ZMAT4: variants seen among roughly 807,000 people sequenced by gnomAD.
The protein encoded by ZMAT4 is zinc finger matrin-type protein 4.
A neutral mutation model predicts 28.7 loss-of-function variants in ZMAT4; 17 were observed. The ratio of observed to expected loss-of-function variants is 0.59; its 90% CI spans 0.41 to 0.89. ZMAT4 has a LOEUF of 0.89. Ranked by LOEUF, ZMAT4 falls within the 40% of genes least tolerant of loss-of-function variation. ZMAT4 has a pLI of 0.00. For synonymous variants in ZMAT4, 117 were observed against 109.2 expected, an observed-to-expected ratio of 1.07 and a Z score of -0.44; for missense variants, 240 against 283.8, an observed-to-expected ratio of 0.85 and a Z score of 1.11.
chr8:40,604,911 G>A (rs1805527007), intron 5 of ZMAT4, among the ~76,000 whole-genome samples: 1 of 152,098 alleles, frequency 6.6e-6, no homozygotes, highest in African/African-American at 2.4e-5. Context: ...CTTGTCATTG[G>A]TCTGTTCAGA....
At chr8:40,833,573 A>G (rs1164952333) in intron 1 of ZMAT4, among the ~76,000 whole-genome samples, 1 of 149,158 alleles carries the variant, frequency 6.7e-6, no homozygotes, top group Non-Finnish European at 1.5e-5. Flanking sequence ...TGAAATCATC[A>G]TGGTCTTCCA....
intron 5 of ZMAT4, among the ~76,000 whole-genome samples, chr8:40,630,494 C>A (rs1459300837): frequency 6.6e-6 from 1 of 152,176 alleles, no homozygotes; most frequent in African/African-American, 2.4e-5. Context: ...CCGTGGGGAA[C>A]TTAGAATTTA....
At chr8:40,611,969 T>C (rs975428964) in intron 5 of ZMAT4, among the ~76,000 whole-genome samples, 14 of 152,190 alleles carry the variant, frequency 9.2e-5, no homozygotes, top group Non-Finnish European at 1.6e-4. Flanking sequence ...ACCCCCACTG[T>C]CATTGTTGAA....
chr8:40,663,761 C>T (rs867167615), intron 5 of ZMAT4, among the ~76,000 whole-genome samples: 2 of 152,094 alleles, frequency 1.3e-5, no homozygotes, highest in South Asian at 4.1e-4. Flanking sequence ...TCTCTGGCAC[C>T]TCTTCACTAA....
At chr8:40,646,268 C>A (rs140829946) in intron 5 of ZMAT4, among the ~76,000 whole-genome samples, 1 of 151,316 alleles carries the variant, frequency 6.6e-6, no homozygotes, top group Non-Finnish European at 1.5e-5. Flanking sequence ...TTCCTCTCTT[C>A]GTGCTTTTTT....
Position 40,536,905 on chromosome 8 carries a change from A to G in ZMAT4, c.675-4667T>C, listed in dbSNP as rs367946751. On this transcript the variant is annotated intron_variant, in intron 6 of 6. Transcript: ENST00000297737. ...GTCAGCGGGATGAGGGGGTTTGGAG[A>G]AAAAAAAAAAGAGAAGAGAAAGAGA... 3.1e-4 allele frequency among the ~76,000 whole-genome samples: 32 copies of G among 104,656 alleles called. 1 individual carries two copies. Among genetic ancestry groups the G allele is most frequent in the African/African-American group, 1.6e-3 (30 of 18,756 alleles). 68.7% of individuals were successfully genotyped at this position (104,656 alleles called of 152,430 possible).
At chr8:40,586,652 C>T (rs937383885) in intron 5 of ZMAT4, among the ~76,000 whole-genome samples, 13 of 152,168 alleles carry the variant, frequency 8.5e-5, no homozygotes, top group African/African-American at 2.9e-4. Context: ...CATGACTACT[C>T]AATATGTCTT....
intron 1 of ZMAT4, among the ~76,000 whole-genome samples, chr8:40,832,322 G>A (rs117825495): frequency 1.3e-5 from 2 of 152,134 alleles, no homozygotes; most frequent in African/African-American, 4.8e-5. Context: ...GAACTGAGCT[G>A]GGATGGGCTA....
At chr8:40,555,384 C>T (rs1803501988) in intron 6 of ZMAT4, among the ~76,000 whole-genome samples, 1 of 152,098 alleles carries the variant, frequency 6.6e-6, no homozygotes, top group Non-Finnish European at 1.5e-5. Flanking sequence ...TTTACAAATA[C>T]TTCTTAATCA....
chr8:40,840,897 A>T (rs1217753888), intron 1 of ZMAT4, among the ~76,000 whole-genome samples: 2 of 152,168 alleles, frequency 1.3e-5, no homozygotes, highest in Admixed American at 1.3e-4. Flanking sequence ...ATATTTCAAT[A>T]ACACTTCCTA....
rs1327672610 is a variant in ZMAT4 at position 40,545,062 on chromosome 8, T to C, written c.675-12824A>G. Among the ~76,000 whole-genome samples, 4 of 152,326 alleles carry C rather than the reference T, an allele frequency of 2.6e-5. No homozygotes were observed. The East Asian group carries it at 7.7e-4, about 29-fold the overall frequency. On this transcript the variant is annotated intron_variant, in intron 6 of 6. Transcript: ENST00000297737. The stretch of plus-strand genomic sequence containing the variant: ...TGTGATCATTGTGAGTTGCTGTATG[T>C]TGTGAGCTTCTCATGCCTAGAGATG...
At chr8:40,837,770 G>A (rs1221692391) in intron 1 of ZMAT4, among the ~76,000 whole-genome samples, 1 of 152,182 alleles carries the variant, frequency 6.6e-6, no homozygotes, top group Non-Finnish European at 1.5e-5. Context: ...GCAACTCGTG[G>A]GAAAGCAGAG....
At chr8:40,820,520 A>T (rs537017274) in intron 2 of ZMAT4, among the ~76,000 whole-genome samples, 25 of 111,696 alleles carry the variant, frequency 2.2e-4, no homozygotes, top group East Asian at 3.3e-4. Flanking sequence ...ATTGGTGTGT[A>T]TATGCATGTG....
Position 40,575,666 on chromosome 8 carries a change from C to A in ZMAT4, c.674+5499G>T, listed in dbSNP as rs186383201. On this transcript the variant is annotated intron_variant, in intron 6 of 6. Coordinates refer to ENST00000297737, the MANE Select transcript of ZMAT4 (RefSeq NM_024645.3). Reference sequence around the variant, plus strand: ...CTGGGATCCATCTACAGGAAAAAGTCTTTTCTATGAAAGCTATTCCATAAA... The same window carrying A: ...CTGGGATCCATCTACAGGAAAAAGTATTTTCTATGAAAGCTATTCCATAAA... Among the ~76,000 whole-genome samples, 59 of 150,972 alleles carry A rather than the reference C, an allele frequency of 3.9e-4. 1 individual carries two copies. Among genetic ancestry groups the A allele is most frequent in the Admixed American group, 2.1e-3 (32 of 15,220 alleles).
chr8:40,720,952 TG>T (rs1811059858), intron 3 of ZMAT4, among the ~76,000 whole-genome samples: 1 of 146,256 alleles, frequency 6.8e-6, no homozygotes, highest in Non-Finnish European at 1.5e-5. Context: ...ATTTTTTGTT[TG>T]TTTGTTTATT....
chr8:40,567,560 G>C (rs1184257926), intron 6 of ZMAT4, among the ~76,000 whole-genome samples: 1 of 151,912 alleles, frequency 6.6e-6, no homozygotes, highest in Non-Finnish European at 1.5e-5. Flanking sequence ...GTGAAACCCT[G>C]TCCCTACTAA....
intron 2 of ZMAT4, among the ~76,000 whole-genome samples, chr8:40,812,323 G>A (rs531970785): frequency 1.3e-5 from 2 of 152,300 alleles, no homozygotes; most frequent in South Asian, 4.1e-4. Flanking sequence ...TACTCTTGAT[G>A]TGACATAATG....
chr8:40,825,775 G>A (rs1014248419), intron 1 of ZMAT4, 95 bp from the exon 2 acceptor site: 1 of 953,062 alleles, frequency 1.0e-6, no homozygotes, highest in Middle Eastern at 3.1e-4. Flanking sequence ...ACAGTAACAG[G>A]TCTGACAATG....
In ZMAT4 at chr8:40,791,507, G is replaced by A. The variant is rs888659201; in HGVS notation, c.103-23777C>T. On this transcript the variant is annotated intron_variant, in intron 2 of 6. Coordinates refer to ENST00000297737, the MANE Select transcript of ZMAT4 (RefSeq NM_024645.3). ...TCCAAAAACCCTAAGGCTCAGAGAG[G>A]CTGAGCAACCAGCCAAGGTCACACA... Among the ~76,000 whole-genome samples, 8 of 152,258 alleles carry A rather than the reference G, an allele frequency of 5.3e-5. No homozygotes were observed. The East Asian group carries it at 1.5e-3, about 29-fold the overall frequency.
Sources: allele counts gnomAD v4.1 joint callset (sites outside exome capture counted in the v4.1 genomes callset), GRCh38; gene constraint gnomAD v4.1.1; transcripts MANE v1.5; gene names NCBI Gene and HGNC (gene_info 2026-07-23, HGNC 2026-07-21).